Variants in KIFC2 observed in about 807,000 individuals in gnomAD.
KIFC2 encodes kinesin-like protein KIFC2.
A neutral mutation model predicts 91.5 loss-of-function variants in KIFC2; 94 were observed. The ratio of observed to expected loss-of-function variants is 1.03; its 90% CI spans 0.87 to 1.22. The LOEUF is 1.22. Among genes scored for constraint, KIFC2 ranks in the 50% most tolerant of loss-of-function variants. KIFC2 has a pLI of 0.00. For synonymous variants in KIFC2, 729 were observed against 503.9 expected (o/e 1.45, Z -5.98); for missense variants, 1,357 against 1,103.3 (o/e 1.23, Z -3.26).
Position 144,473,056 on chromosome 8 carries a change from G to A in KIFC2, c.2118+5G>A. ...ACCGCGGTGCTGCTGCTGCAGGTGG[G>A]CGCCGGGGCGGGGCAGGTGTGTGCG... On this transcript the variant is annotated splice_donor_5th_base_variant and intron_variant, in intron 17 of 17. Transcript: ENST00000645548. 1 of 1,426,640 alleles carries A rather than the reference G, an allele frequency of 7.0e-7. No individual in the cohort carries two copies. The highest frequency in any genetic ancestry group is 9.1e-7 in the Non-Finnish European group (1 of 1,096,114). 88.4% of individuals were successfully genotyped at this position (1,426,640 alleles called of 1,614,324 possible).
chr8:144,471,806 A>G lies in KIFC2; in HGVS notation c.1381-136A>G, dbSNP rs1218211170. On this transcript the variant is annotated intron_variant, in intron 12 of 17. Transcript: ENST00000645548. The stretch of plus-strand genomic sequence containing the variant: ...GTCTCTGTAGGACACACCCTCCCCC[A>G]TGGTCCCTTAGAGCCATCCTCCCAG... 7 of 722,932 alleles carry G rather than the reference A, an allele frequency of 9.7e-6. No individual in the cohort carries two copies. In the African/African-American group the frequency reaches 1.2e-4, roughly 13 times the overall value. 44.8% of individuals were successfully genotyped at this position (722,932 alleles called of 1,614,324 possible).
intron 7 of KIFC2, 59 bp from the exon 8 acceptor site, chr8:144,468,270 T>G (rs1824770155): frequency 2.7e-6 from 4 of 1,471,680 alleles, no homozygotes; most frequent in African/African-American, 2.8e-5. Context: ...TTCCCATCTG[T>G]GAAATGGTAC....
chr8:144,472,596 G>A lies in KIFC2; in HGVS notation c.1751G>A (p.Ser584Asn). The part of the protein sequence containing the change: ...TLHQMLKLGR[S>N]NRATAATAMN... Reference sequence around the variant, plus strand: ...TTCCAGATGCTGAAACTGGGGAGGAGCAACCGGGCCACCGCCGCCACCGCC... The same window carrying A: ...TTCCAGATGCTGAAACTGGGGAGGAACAACCGGGCCACCGCCGCCACCGCC... The change falls in exon 16 of 18, where the codon AGC becomes AAC. Residue 584 changes from serine (S) to asparagine (N), a missense_variant. Ser to Asn is a conservative substitution (Grantham distance 46). Transcript: ENST00000645548. The A allele has an allele frequency of 6.2e-7, 1 of 1,608,638 alleles. No homozygotes were observed. Among genetic ancestry groups the A allele is most frequent in the Non-Finnish European group, 8.5e-7 (1 of 1,179,748 alleles).
At position 144,466,472 on chromosome 8, in the gene KIFC2, G is replaced by T; in HGVS notation, c.53G>T (p.Arg18Met). 1 of 1,350,502 alleles carries T rather than the reference G, an allele frequency of 7.4e-7. No individual in the cohort carries two copies. The highest frequency in any genetic ancestry group is 9.6e-7 in the Non-Finnish European group (1 of 1,040,694). The allele number at this position is 1,350,502 out of a possible 1,614,324, so 83.7% of individuals were successfully genotyped here. Residue 18 changes from arginine to methionine, a missense_variant, in exon 1 of 18, where the codon AGG becomes ATG. By Grantham distance (91) the Arg-to-Met change is moderately conservative. Coordinates refer to ENST00000645548, the MANE Select transcript of KIFC2 (RefSeq NM_001369769.2). Reference sequence around the variant, plus strand: ...TACATCTTCTACAGCCTCTTCCGCAGGGATGGTGGCGCCGCGGCGGCCGCG... The same window carrying T: ...TACATCTTCTACAGCCTCTTCCGCATGGATGGTGGCGCCGCGGCGGCCGCG... ...LIYIFYSLFR[R>M]DGGAAAAAEP...
intron 2 of KIFC2, 50 bp downstream of exon 2, chr8:144,466,888 C>T (rs1213934863): frequency 1.9e-6 from 3 of 1,543,472 alleles, no homozygotes; most frequent in Non-Finnish European, 2.6e-6. Context: ...CCGGGACCTC[C>T]CAGGGAGGGG....
intron 14 of KIFC2, 34 bp downstream of exon 14, chr8:144,472,293 C>T: frequency 1.9e-6 from 3 of 1,613,412 alleles, no homozygotes; most frequent in East Asian, 2.2e-5. Flanking sequence ...CTTCTCCCCA[C>T]CCCTGGCCCA....
At chr8:144,469,779 A>G (rs1824854068) in intron 12 of KIFC2, 132 bp downstream of exon 12, 2 of 1,181,506 alleles carry the variant, frequency 1.7e-6, no homozygotes, top group African/African-American at 1.5e-5. Flanking sequence ...CTAGCCAGGA[A>G]GGAAAGGGAA....
chr8:144,473,682 C>G lies in KIFC2; in HGVS notation c.*293C>G, dbSNP rs1825038690. On this transcript the variant is annotated 3_prime_UTR_variant, in exon 18 of 18. Transcript: ENST00000645548. The stretch of plus-strand genomic sequence containing the variant: ...CAGCAGGGAATCCCAGGCCCCCCCG[C>G]CAAGTGGTTACCCAAGTCACCACTC... 8.2e-6 allele frequency: 4 copies of G among 490,006 alleles called. No homozygotes were observed. The highest frequency in any genetic ancestry group is 1.4e-5 in the Non-Finnish European group (4 of 284,072). The allele number at this position is 490,006 out of a possible 1,614,324, so 30.4% of individuals were successfully genotyped here.
At position 144,466,427 on chromosome 8, in the gene KIFC2, C is replaced by T. The variant is rs1315918702; in HGVS notation, c.8C>T (p.Ala3Val). The change falls in exon 1 of 18, where the codon GCC becomes GTC. Residue 3 changes from alanine (A) to valine (V), a missense_variant. By Grantham distance (64) the Ala-to-Val change is moderately conservative (BLOSUM62 0). Coordinates refer to ENST00000645548, the MANE Select transcript of KIFC2 (RefSeq NM_001369769.2). ...CTGCCGCCCCGCGCTCCCATGTACG[C>T]CTTTTACTCGTTGCTCATCTACATC... is the stretch of plus-strand genomic sequence containing the variant. MY[A>V]FYSLLIYIFY... 5 of 1,344,266 alleles carry T rather than the reference C, an allele frequency of 3.7e-6. No individual in the cohort carries two copies. Among genetic ancestry groups the T allele is most frequent in the Admixed American group, 2.7e-5 (1 of 37,414 alleles). The allele number at this position is 1,344,266 out of a possible 1,614,324, so 83.3% of individuals were successfully genotyped here. A position where few individuals can be genotyped will look rare whatever the true frequency, so the allele number is the denominator to read the frequency against.
chr8:144,466,599 G>A, intron 1 of KIFC2, 81 bp downstream of exon 1: 1 of 887,824 alleles, frequency 1.1e-6, no homozygotes. Context: ...GCGGGGGCGG[G>A]CACGGGGCGC....
At position 144,468,730 on chromosome 8, in the gene KIFC2, C is replaced by G. The variant is rs566517672; in HGVS notation, c.1009C>G (p.Arg337Gly). 5 of 1,613,884 alleles carry G rather than the reference C, an allele frequency of 3.1e-6. No homozygotes were observed. Among genetic ancestry groups the G allele is most frequent in the Non-Finnish European group, 4.2e-6 (5 of 1,179,996 alleles). ...QQMHGQLAGL[R>G]ARMASLRQGC... ...CAACAGACTTCCCTCTCCAGGACTT[C>G]GGGCACGGATGGCCAGCCTGCGTCA... Residue 337 changes from arginine to glycine, a missense_variant, in exon 10 of 18, where the codon CGG becomes GGG. Coordinates refer to ENST00000645548, the MANE Select transcript of KIFC2 (RefSeq NM_001369769.2).
rs766970193 is a variant in KIFC2 at position 144,473,443 on chromosome 8, G to A, written c.*54G>A. ...CTCAGGCCAGGTCTCTGCTGGCAGA[G>A]GCGGTAGTAAAGTCCCTGTACCCCG... On this transcript the variant is annotated 3_prime_UTR_variant, in exon 18 of 18. Coordinates refer to ENST00000645548, the MANE Select transcript of KIFC2 (RefSeq NM_001369769.2). The A allele has an allele frequency of 6.5e-7, 1 of 1,528,530 alleles. No individual in the cohort carries two copies. Among genetic ancestry groups the A allele is most frequent in the Non-Finnish European group, 8.8e-7 (1 of 1,142,244 alleles). The allele number at this position is 1,528,530 out of a possible 1,614,324, so 94.7% of individuals were successfully genotyped here.
At chr8:144,471,898 G>GCCT (rs752300079) in intron 12 of KIFC2, 44 bp from the exon 13 acceptor site, 1 of 1,577,628 alleles carries the variant, frequency 6.3e-7, no homozygotes, top group Non-Finnish European at 8.7e-7. Flanking sequence ...GCATAAACAG[G>GCCT]CAACGTGGGG....
chr8:144,467,818 G>A lies in KIFC2; in HGVS notation c.681+39G>A, dbSNP rs1467676064. ...GAGACCTGGCAGGGCCGGGCATGGA[G>A]GGGGTGCTTCAGGTGAGTGCCGAGG... On this transcript the variant is annotated intron_variant, in intron 6 of 17. Transcript: ENST00000645548. 2.5e-6 allele frequency: 4 copies of A among 1,613,382 alleles called. No individual in the cohort carries two copies. The Admixed American group carries it at 6.7e-5, about 27-fold the overall frequency.
In KIFC2 at chr8:144,473,278, G is replaced by C. The variant is rs774213472; in HGVS notation, c.2265G>C (p.Pro755=). 6.2e-7 allele frequency: 1 copy of C among 1,605,444 alleles called. No individual in the cohort carries two copies. The highest frequency in any genetic ancestry group is 8.5e-7 in the Non-Finnish European group (1 of 1,177,042). ...CTTCTTCCCTCAGCACCGACACTCC[G>C]CTCACCGGGACCCCCTGCACCCCTA... is the stretch of plus-strand genomic sequence containing the variant. ...GTPSSLSTDT[P]LTGTPCTPTP... is the part of the protein sequence containing the mutation. Residue 755 remains proline, a synonymous_variant, in exon 18 of 18, where the codon CCG becomes CCC. Coordinates refer to ENST00000645548, the MANE Select transcript of KIFC2 (RefSeq NM_001369769.2).
upstream of KIFC2, chr8:144,466,086 T>G (rs978831554): frequency 7.9e-5 from 12 of 151,904 alleles, no homozygotes; most frequent in African/African-American, 2.7e-4. Context: ...TGTTGAAGGC[T>G]CCGCGAAACC....
chr8:144,473,360 C>T lies in KIFC2; in HGVS notation c.2347C>T (p.Leu783Phe), dbSNP rs762304932. ...PSPDNGSGSA[L>F]APAEGLPL The stretch of plus-strand genomic sequence containing the variant: ...TCCCGACAACGGCTCGGGCTCGGCT[C>T]TCGCGCCCGCAGAGGGCCTGCCCCT... Residue 783 changes from leucine to phenylalanine, a missense_variant, in exon 18 of 18, where the codon CTC (leucine) becomes TTC (phenylalanine). Transcript: ENST00000645548. The T allele has an allele frequency of 1.9e-6, 3 of 1,579,690 alleles. No homozygotes were observed. The highest frequency in any genetic ancestry group is 1.4e-5 in the African/African-American group (1 of 74,072).
chr8:144,469,176 G>C, intron 10 of KIFC2, 95 bp from the exon 11 acceptor site: 1 of 1,062,248 alleles, frequency 9.4e-7, no homozygotes, highest in Non-Finnish European at 1.4e-6. Flanking sequence ...GAGCGGGCCT[G>C]TGGGGGCTCC....
chr8:144,467,725 G>A lies in KIFC2; in HGVS notation c.627G>A (p.Leu209=). 1 of 1,613,894 alleles carries A rather than the reference G, an allele frequency of 6.2e-7. No homozygotes were observed. Among genetic ancestry groups the A allele is most frequent in the South Asian group, 1.1e-5 (1 of 91,074 alleles). ...TTACTTCTCCCCAGCTGGAGGAGCT[G>A]AAGCAGCAGCTGGAACAGCAGGAGG... is the stretch of plus-strand genomic sequence containing the variant. ...EQLILGQLEE[L]KQQLEQQEEE... Residue 209 remains leucine (L), a synonymous_variant, in exon 6 of 18, where the codon CTG becomes CTA. Transcript: ENST00000645548.
Sources: allele counts gnomAD v4.1 joint callset, GRCh38; gene constraint gnomAD v4.1.1; transcripts MANE v1.5; gene names NCBI Gene and HGNC (gene_info 2026-07-23, HGNC 2026-07-21).